The following ADCYAP1R1 variants were observed in gnomAD, a reference collection of about 807,000 sequenced individuals.
ADCYAP1R1 encodes pituitary adenylate cyclase-activating polypeptide type I receptor.
A neutral mutation model predicts 67.6 loss-of-function variants in ADCYAP1R1; 44 were observed. That is an observed-to-expected ratio of 0.65 (90% CI 0.51 to 0.84). The LOEUF (loss-of-function observed/expected upper bound fraction) is 0.84. ADCYAP1R1 is among the 40% of genes least tolerant of loss of function. ADCYAP1R1 has a pLI of 0.00. For missense variants in ADCYAP1R1, 477 were observed against 587.9 expected (o/e 0.81, Z 1.95); for synonymous variants, 222 against 219.6 (o/e 1.01, Z -0.10).
At chr7:31,062,525 C>T (rs764094971) in intron 1 of ADCYAP1R1, among the ~76,000 whole-genome samples, 6 of 152,168 alleles carry the variant, frequency 3.9e-5, no homozygotes, top group Non-Finnish European at 5.9e-5. Context: ...TTCCCTCTGG[C>T]GTAACAGTCT....
At chr7:31,096,981 A>G (rs991306050) in intron 13 of ADCYAP1R1, among the ~76,000 whole-genome samples, 8 of 152,370 alleles carry the variant, frequency 5.3e-5, no homozygotes, top group East Asian at 1.9e-4. Context: ...CTGTAGCCCA[A>G]CCAACCCTGC....
At chr7:31,076,190 A>G (rs955218917) in intron 3 of ADCYAP1R1, among the ~76,000 whole-genome samples, 8 of 152,200 alleles carry the variant, frequency 5.3e-5, no homozygotes, top group African/African-American at 7.2e-5. Context: ...TGGGCGGCCA[A>G]AGGCAGGACA....
chr7:31,104,289 G>A (rs1241284962), intron 14 of ADCYAP1R1, among the ~76,000 whole-genome samples: 1 of 152,218 alleles, frequency 6.6e-6, no homozygotes, highest in Non-Finnish European at 1.5e-5. Flanking sequence ...GGGATTGCAA[G>A]GAACTAATTT....
Position 31,089,798 on chromosome 7 carries a change from T to G in ADCYAP1R1, c.954+2102T>G, listed in dbSNP as rs1795891156. Among the ~76,000 whole-genome samples the G allele has an allele frequency of 2.0e-5, 3 of 152,346 alleles. No homozygotes were observed. The South Asian group carries it at 6.2e-4, about 32-fold the overall frequency. ...ATGGAAGCTTGTTTTAATCTGTTAT[T>G]GTAACAAATATTAGATTTTTGGGGG... On this transcript the variant is annotated intron_variant, in intron 12 of 15. Coordinates refer to ENST00000304166, the MANE Select transcript of ADCYAP1R1 (RefSeq NM_001118.5).
intron 14 of ADCYAP1R1, among the ~76,000 whole-genome samples, chr7:31,103,722 T>C (rs1011270765): frequency 1.3e-5 from 2 of 152,116 alleles, no homozygotes; most frequent in African/African-American, 4.8e-5. Context: ...TTGAGTTCTG[T>C]CTTACCTACA....
At chr7:31,091,304 G>A (rs1328378829) in intron 12 of ADCYAP1R1, among the ~76,000 whole-genome samples, 1 of 152,148 alleles carries the variant, frequency 6.6e-6, no homozygotes, top group African/African-American at 2.4e-5. Flanking sequence ...CCTTATAGAT[G>A]CTGGATATTA....
At chr7:31,081,348 T>C (rs189993101) in intron 5 of ADCYAP1R1, among the ~76,000 whole-genome samples, 1 of 152,268 alleles carries the variant, frequency 6.6e-6, no homozygotes, top group Admixed American at 6.5e-5. Flanking sequence ...TGGGCCCACG[T>C]TGCTGTGGTT....
At chr7:31,074,835 CTT>C (rs1421552875) in intron 3 of ADCYAP1R1, among the ~76,000 whole-genome samples, 2 of 152,244 alleles carry the variant, frequency 1.3e-5, no homozygotes, top group African/African-American at 4.8e-5. Flanking sequence ...CCTTTAATGT[CTT>C]TGCCTTCTTG....
chr7:31,098,295 T>C (rs1796289904), intron 13 of ADCYAP1R1, among the ~76,000 whole-genome samples: 1 of 152,250 alleles, frequency 6.6e-6, no homozygotes, highest in Non-Finnish European at 1.5e-5. Flanking sequence ...TTTTAATTAT[T>C]GAGAAAAACA....
rs1226826300 is a variant in ADCYAP1R1, at chr7:31,110,083, A to G, written c.*3399A>G. 2 of 149,826 alleles carry G rather than the reference A, an allele frequency of 1.3e-5. No homozygotes were observed. Among genetic ancestry groups the G allele is most frequent in the African/African-American group, 2.5e-5 (1 of 40,458 alleles). The allele number at this position is 149,826 out of a possible 1,614,324, so 9.3% of individuals were successfully genotyped here. A position where few individuals can be genotyped will look rare whatever the true frequency, so the allele number is the denominator to read the frequency against. Reference sequence around the variant, plus strand: ...CCAAGGATGCCCACTCACCTCTCTCATCTGATCCTCACTCTTTGTGGAAGG... The same window carrying G: ...CCAAGGATGCCCACTCACCTCTCTCGTCTGATCCTCACTCTTTGTGGAAGG... On this transcript the variant is annotated 3_prime_UTR_variant, in exon 16 of 16. Transcript: ENST00000304166.
Position 31,106,954 on chromosome 7 carries a change from T to G in ADCYAP1R1, c.*270T>G, listed in dbSNP as rs1038237917. The G allele has an allele frequency of 4.6e-6, 2 of 432,168 alleles. No homozygotes were observed. 26.8% of individuals were successfully genotyped at this position (432,168 alleles called of 1,614,324 possible). ...GAAAAGTTGTCCCATCCCTTCCCCC[T>G]TTGCCCCAGTGTCCCTGCTCACTTC... is the stretch of plus-strand genomic sequence containing the variant. On this transcript the variant is annotated 3_prime_UTR_variant, in exon 16 of 16. Transcript: ENST00000304166.
Position 31,109,716 on chromosome 7 carries a change from T to C in ADCYAP1R1, c.*3032T>C, listed in dbSNP as rs1322532195. The C allele has an allele frequency of 6.6e-6, 1 of 152,296 alleles. No individual in the cohort carries two copies. The highest frequency in any genetic ancestry group is 6.5e-5 in the Admixed American group (1 of 15,268). The allele number at this position is 152,296 out of a possible 1,614,324, so 9.4% of individuals were successfully genotyped here. A position where few individuals can be genotyped will look rare whatever the true frequency, so the allele number is the denominator to read the frequency against. On this transcript the variant is annotated 3_prime_UTR_variant, in exon 16 of 16. Coordinates refer to ENST00000304166, the MANE Select transcript of ADCYAP1R1 (RefSeq NM_001118.5). ...CCAGCCAGGGAGCAGGGAGGCAGTGTCAGGGAGGGACTCTCATCCTGGAGG... is the reference window on the plus strand; with the variant it reads ...CCAGCCAGGGAGCAGGGAGGCAGTGCCAGGGAGGGACTCTCATCCTGGAGG...
At chr7:31,098,482 G>A (rs2299908) in intron 13 of ADCYAP1R1, among the ~76,000 whole-genome samples, 58,458 of 151,896 alleles carry the variant, frequency 0.38, 13,030 homozygotes, top group East Asian at 0.69. Context: ...CCACAGGTCC[G>A]AGGTGGCACC....
chr7:31,067,695 C>T lies in ADCYAP1R1; in HGVS notation c.157+2759C>T, dbSNP rs562296806. 1.7e-3 allele frequency among the ~76,000 whole-genome samples: 254 copies of T among 152,274 alleles called. 4 individuals are homozygous for T. Among genetic ancestry groups the T allele is most frequent in the Non-Finnish European group, 2.2e-3 (149 of 68,022 alleles). ...CTGTGGGTCCCAGCACCCCCCCGGGCGCAGCACCAGCCATGGGATCTTTGA... is the reference window on the plus strand; with the variant it reads ...CTGTGGGTCCCAGCACCCCCCCGGGTGCAGCACCAGCCATGGGATCTTTGA... On this transcript the variant is annotated intron_variant, in intron 3 of 15. Coordinates refer to ENST00000304166, the MANE Select transcript of ADCYAP1R1 (RefSeq NM_001118.5).
At chr7:31,064,299 T>TA (rs1365118738) in intron 2 of ADCYAP1R1, among the ~76,000 whole-genome samples, 1 of 151,846 alleles carries the variant, frequency 6.6e-6, no homozygotes, top group East Asian at 1.9e-4. Context: ...ACTTCTCCCC[T>TA]ACCACTTGTT....
chr7:31,085,099 A>G (rs967197395), intron 8 of ADCYAP1R1, among the ~76,000 whole-genome samples: 4 of 152,336 alleles, frequency 2.6e-5, no homozygotes, highest in East Asian at 3.9e-4. Context: ...AGGCCACAGG[A>G]GGGAGAAGTC....
At chr7:31,066,559 G>A (rs2128618633) in intron 3 of ADCYAP1R1, among the ~76,000 whole-genome samples, 1 of 150,254 alleles carries the variant, frequency 6.7e-6, no homozygotes, top group African/African-American at 2.4e-5. Context: ...GAAGAGATGA[G>A]TTCTTTGTGG....
In ADCYAP1R1 at chr7:31,106,567, C is replaced by G; in HGVS notation, c.1290C>G (p.His430Gln). ...GTTACTTCGCTGTGGACTTCAAGCACCGACACCCGTCTCTGGCCAGCAGTG... is the reference window on the plus strand; with the variant it reads ...GTTACTTCGCTGTGGACTTCAAGCAGCGACACCCGTCTCTGGCCAGCAGTG... ...VNRYFAVDFK[H>Q]RHPSLASSGV... The change falls in exon 16 of 16, where the codon CAC (histidine) becomes CAG (glutamine). Residue 430 changes from histidine (H) to glutamine (Q), a missense_variant. By Grantham distance (24) the His-to-Gln change is conservative. Coordinates refer to ENST00000304166, the MANE Select transcript of ADCYAP1R1 (RefSeq NM_001118.5). 1 of 1,614,048 alleles carries G rather than the reference C, an allele frequency of 6.2e-7. No individual in the cohort carries two copies. The highest frequency in any genetic ancestry group is 8.5e-7 in the Non-Finnish European group (1 of 1,179,932).
intron 3 of ADCYAP1R1, among the ~76,000 whole-genome samples, chr7:31,065,180 C>T (rs1488127732): frequency 3.9e-5 from 6 of 152,170 alleles, no homozygotes; most frequent in Non-Finnish European, 5.9e-5. Context: ...GCCTTCTCTC[C>T]CACAGGAGCT....
Sources: allele counts gnomAD v4.1 joint callset (sites outside exome capture counted in the v4.1 genomes callset), GRCh38; gene constraint gnomAD v4.1.1; transcripts MANE v1.5; gene names NCBI Gene and HGNC (gene_info 2026-07-23, HGNC 2026-07-21).